Variants in SLC31A2 observed in about 807,000 individuals in gnomAD.
SLC31A2 encodes solute carrier family 31 member 2.
A neutral mutation model predicts 14.4 loss-of-function variants in SLC31A2; 16 were observed. That is an observed-to-expected ratio of 1.11 (90% confidence interval 0.75 to 1.69). The LOEUF is 1.69. Ranked by LOEUF, SLC31A2 falls within the 40% of genes most tolerant of loss-of-function variation. SLC31A2 has a pLI of 0.00. For missense variants in SLC31A2, 140 were observed against 173.9 expected (o/e 0.81, Z 1.10); for synonymous variants, 56 against 68.7 (o/e 0.82, Z 0.91).
In SLC31A2 at chr9:113,162,963, C is replaced by A. The variant is rs749077587; in HGVS notation, c.*46C>A. On this transcript the variant is annotated 3_prime_UTR_variant, in exon 4 of 4. Transcript: ENST00000259392. ...ACTGAGGCTGGAGGGACATGGAGCCCCCTCTTCCAGACACTATACTTCCAA... is the reference window on the plus strand; with the variant it reads ...ACTGAGGCTGGAGGGACATGGAGCCACCTCTTCCAGACACTATACTTCCAA... 1.3e-6 allele frequency: 2 copies of A among 1,512,194 alleles called. No individual in the cohort carries two copies. Among genetic ancestry groups the A allele is most frequent in the Non-Finnish European group, 1.8e-6 (2 of 1,122,086 alleles). The allele number at this position is 1,512,194 out of a possible 1,614,324, so 93.7% of individuals were successfully genotyped here.
At chr9:113,158,217 A>T in intron 2 of SLC31A2, 1 of 358,628 alleles carries the variant, frequency 2.8e-6, no homozygotes, top group Admixed American at 3.4e-5. Flanking sequence ...TGGAGATGAG[A>T]CACCAATTTG....
intron 1 of SLC31A2, among the ~76,000 whole-genome samples, chr9:113,156,391 C>T (rs1329555904): frequency 5.3e-5 from 8 of 152,182 alleles, no homozygotes; most frequent in Non-Finnish European, 2.9e-5. Context: ...CATCAGAGCT[C>T]ATATTTCTCT....
chr9:113,162,735 T>C lies in SLC31A2; in HGVS notation c.264-14T>C. On this transcript the variant is annotated splice_polypyrimidine_tract_variant and intron_variant, in intron 3 of 3. Coordinates refer to ENST00000259392, the MANE Select transcript of SLC31A2 (RefSeq NM_001860.3). ...CTCATTACCAGGATTAACTTGCTTCTCCTTTTTATCTAGGTGGTATTTGTG... is the reference window on the plus strand; with the variant it reads ...CTCATTACCAGGATTAACTTGCTTCCCCTTTTTATCTAGGTGGTATTTGTG... 1 of 1,604,730 alleles carries C rather than the reference T, an allele frequency of 6.2e-7. No homozygotes were observed. The highest frequency in any genetic ancestry group is 1.7e-5 in the Admixed American group (1 of 59,084).
chr9:113,155,628 G>A (rs902453240), intron 1 of SLC31A2, among the ~76,000 whole-genome samples: 3 of 152,158 alleles, frequency 2.0e-5, no homozygotes, highest in African/African-American at 7.2e-5. Flanking sequence ...TTCTGGCAGT[G>A]CAGAAAGCTA....
intron 1 of SLC31A2, among the ~76,000 whole-genome samples, chr9:113,153,122 T>TTG (rs1829889274): frequency 6.6e-6 from 1 of 151,720 alleles, no homozygotes; most frequent in South Asian, 2.1e-4. Flanking sequence ...TCAAAATGTT[T>TTG]TTTTTTTTTT....
Position 113,162,794 on chromosome 9 carries a change from G to C in SLC31A2, c.309G>C (p.Gln103His). The change falls in exon 4 of 4, where the codon CAG becomes CAC. Residue 103 changes from glutamine (Q) to histidine (H), a missense_variant. Gln to His is a conservative substitution (Grantham distance 24, BLOSUM62 0). Transcript: ENST00000259392. ...GCCAGTCTCTAATCCATGTCATCCA[G>C]GTGGTCATCGGCTACTTCATCATGC... Reference protein sequence around the residue: ...HFGQSLIHVIQVVIGYFIMLA... With the variant: ...HFGQSLIHVIHVVIGYFIMLA... 1 of 1,613,818 alleles carries C rather than the reference G, an allele frequency of 6.2e-7. No homozygotes were observed. Among genetic ancestry groups the C allele is most frequent in the Non-Finnish European group, 8.5e-7 (1 of 1,179,826 alleles).
At chr9:113,157,680 C>T in intron 1 of SLC31A2, 47 bp from the exon 2 acceptor site, 1 of 1,499,872 alleles carries the variant, frequency 6.7e-7, no homozygotes, top group Non-Finnish European at 9.2e-7. Context: ...AGGACCGTAA[C>T]TTCCACTGCC....
Position 113,151,381 on chromosome 9 carries a change from G to C in SLC31A2, c.6+301G>C, listed in dbSNP as rs991715401. On this transcript the variant is annotated intron_variant, in intron 1 of 3. Transcript: ENST00000259392. This position sits in a 1 kb window ranked among gnomAD's most constrained non-coding sequence, Gnocchi z 4.2. The stretch of plus-strand genomic sequence containing the variant: ...GGGCGCGGTGGCTGAAGACAGCTGG[G>C]TCCGGGGCCCCCGGCCCCGGACCTC... 6.6e-6 allele frequency among the ~76,000 whole-genome samples: 1 copy of C among 152,018 alleles called. No individual in the cohort carries two copies. The highest frequency in any genetic ancestry group is 1.5e-5 in the Non-Finnish European group (1 of 67,992).
In SLC31A2 at chr9:113,161,930, C is replaced by A. The variant is rs1830020273; in HGVS notation, c.263+232C>A. 7 of 635,836 alleles carry A rather than the reference C, an allele frequency of 1.1e-5. No homozygotes were observed. In the African/African-American group the frequency reaches 1.3e-4, roughly 12 times the overall value. The allele number at this position is 635,836 out of a possible 1,614,324, so 39.4% of individuals were successfully genotyped here. ...CCACTTGAGAGGCTCAGAAGGCTTT[C>A]TTTAGGGAACAGTGATCTTCAGGTG... is the stretch of plus-strand genomic sequence containing the variant. On this transcript the variant is annotated intron_variant, in intron 3 of 3. Transcript: ENST00000259392.
At position 113,151,128 on chromosome 9, in the gene SLC31A2, T is replaced by C; in HGVS notation, c.6+48T>C. 1 of 1,284,238 alleles carries C rather than the reference T, an allele frequency of 7.8e-7. No individual in the cohort carries two copies. Among genetic ancestry groups the C allele is most frequent in the Non-Finnish European group, 9.9e-7 (1 of 1,008,014 alleles). The allele number at this position is 1,284,238 out of a possible 1,614,324, so 79.6% of individuals were successfully genotyped here. On this transcript the variant is annotated intron_variant, in intron 1 of 3. Transcript: ENST00000259392. The surrounding 1 kb of genome is among the most constrained non-coding windows in gnomAD (Gnocchi z 4.2). Reference sequence around the variant, plus strand: ...AAGAGGGTGGGCGGTTGGGGCGGGGTCTCCTGGAGCTGCCATCTCGGCACC... The same window carrying C: ...AAGAGGGTGGGCGGTTGGGGCGGGGCCTCCTGGAGCTGCCATCTCGGCACC...
At chr9:113,155,146 ATC>A (rs1199919439) in intron 1 of SLC31A2, among the ~76,000 whole-genome samples, 1 of 152,170 alleles carries the variant, frequency 6.6e-6, no homozygotes, top group Non-Finnish European at 1.5e-5. Flanking sequence ...GTGTTGTAGC[ATC>A]TGTTTTCCTC....
chr9:113,160,333 G>A (rs1252577475), intron 2 of SLC31A2, among the ~76,000 whole-genome samples: 1 of 142,708 alleles, frequency 7.0e-6, no homozygotes, highest in Non-Finnish European at 1.5e-5. Flanking sequence ...CACAGCAGCT[G>A]GAAGCTTTTC....
chr9:113,156,149 T>C (rs781315282), intron 1 of SLC31A2: 1 of 517,880 alleles, frequency 1.9e-6, no homozygotes, highest in African/African-American at 1.9e-5. Flanking sequence ...CACTGACGTT[T>C]GCCTCCACCG....
intron 3 of SLC31A2, chr9:113,161,966 T>C (rs1830020782): frequency 1.8e-6 from 1 of 551,144 alleles, no homozygotes. Context: ...CAGGCCCCTA[T>C]CTAGCAAATG....
intron 3 of SLC31A2, chr9:113,162,059 C>T: frequency 2.7e-6 from 1 of 367,234 alleles, no homozygotes; most frequent in Non-Finnish European, 5.1e-6. Flanking sequence ...CTGCAGCTGT[C>T]CTGAAGCAAT....
At chr9:113,160,830 T>C (rs1297319985) in intron 2 of SLC31A2, among the ~76,000 whole-genome samples, 1 of 152,198 alleles carries the variant, frequency 6.6e-6, no homozygotes, top group African/African-American at 2.4e-5. Context: ...TGACAGCGTT[T>C]CCAAGGGTTC....
At chr9:113,160,467 T>G (rs993094440) in intron 2 of SLC31A2, among the ~76,000 whole-genome samples, 1 of 152,226 alleles carries the variant, frequency 6.6e-6, no homozygotes, top group African/African-American at 2.4e-5. Context: ...GGGGTGTTTA[T>G]CACCTCAAAC....
rs993822904 is a variant in SLC31A2 at position 113,163,921 on chromosome 9, C to T, written c.*1004C>T. ...CTTAAAATACTGATTAAGCCATGGG[C>T]AGGTACTGACTGAAGATGCAATCCA... On this transcript the variant is annotated 3_prime_UTR_variant, in exon 4 of 4. Coordinates refer to ENST00000259392, the MANE Select transcript of SLC31A2 (RefSeq NM_001860.3). 6.7e-6 allele frequency: 1 copy of T among 149,818 alleles called. No homozygotes were observed. Among genetic ancestry groups the T allele is most frequent in the African/African-American group, 2.5e-5 (1 of 40,474 alleles). 9.3% of individuals were successfully genotyped at this position (149,818 alleles called of 1,614,324 possible).
At chr9:113,153,994 CAG>C (rs1325765845) in intron 1 of SLC31A2, among the ~76,000 whole-genome samples, 3 of 152,272 alleles carry the variant, frequency 2.0e-5, no homozygotes, top group South Asian at 2.1e-4. Context: ...GTTTTTGAGA[CAG>C]AGTCTTACTC....
Sources: gnomAD v4.1 joint callset for allele counts (sites outside exome capture counted in the v4.1 genomes callset) on GRCh38, gnomAD v4.1.1 for gene constraint, Gnocchi (gnomAD v3.1) non-coding constraint, MANE v1.5 for transcripts, NCBI Gene and HGNC (gene_info 2026-07-23, HGNC 2026-07-21) for gene names.